ATXN2: variants seen among roughly 807,000 people sequenced by gnomAD.
The protein encoded by ATXN2 is ataxin-2.
Under a neutral mutation model 138.6 loss-of-function variants are expected in ATXN2, and 37 were observed. That is an observed-to-expected ratio of 0.27 (90% confidence interval 0.21 to 0.35). The LOEUF is 0.35. Among genes scored for constraint, ATXN2 ranks in the 10% least tolerant of loss-of-function variants. The probability of loss-of-function intolerance (pLI) is 1.00; values close to 1 mark genes in which losing one functional copy is unlikely to be tolerated. For missense variants in ATXN2, 1,216 were observed against 1,480.3 expected, an observed-to-expected ratio of 0.82 and a Z score of 2.93; for synonymous variants, 549 against 543.7, an observed-to-expected ratio of 1.01 and a Z score of -0.13.
At position 111,552,122 on chromosome 12, in the gene ATXN2, C is replaced by G. The variant is rs1882154847; in HGVS notation, c.571+158G>C. Among the ~76,000 whole-genome samples the G allele has an allele frequency of 1.3e-5, 2 of 152,000 alleles. No individual in the cohort carries two copies. The highest frequency in any genetic ancestry group is 4.1e-4 in the South Asian group (2 of 4,826). On this transcript the variant is annotated intron_variant, in intron 5 of 24. Coordinates refer to ENST00000673436, the MANE Select transcript of ATXN2 (RefSeq NM_001372574.1). The surrounding 1 kb of genome is among the most constrained non-coding windows in gnomAD (Gnocchi z 4.1). Reference sequence around the variant, plus strand: ...TCTCGAACTCCTGACCTCAGGTGATCCACCCGCCTCAGCCTCCCTAAGTGC... The same window carrying G: ...TCTCGAACTCCTGACCTCAGGTGATGCACCCGCCTCAGCCTCCCTAAGTGC...
rs367549019 is a variant in ATXN2, at chr12:111,516,215, G to A, written c.1314C>T (p.His438=). Reference sequence around the variant, plus strand: ...GAGCTGGAGAACCATGAGCAGAGGGGTGAGACGGGGGTCTGGATGGCCGCG... The same window carrying A: ...GAGCTGGAGAACCATGAGCAGAGGGATGAGACGGGGGTCTGGATGGCCGCG... ...PPSRPSRPPS[H]PSAHGSPAPV... The change falls in exon 10 of 25, where the codon CAC becomes CAT. Residue 438 remains histidine, a synonymous_variant. Transcript: ENST00000673436. This position sits in a 1 kb window ranked among gnomAD's most constrained non-coding sequence, Gnocchi z 5.0. The A allele has an allele frequency of 1.3e-6, 2 of 1,578,880 alleles. No homozygotes were observed. The highest frequency in any genetic ancestry group is 2.7e-5 in the African/African-American group (2 of 72,852).
At chr12:111,513,679 A>G (rs961539683) in intron 10 of ATXN2, 140 bp from the exon 11 acceptor site, 1 of 674,618 alleles carries the variant, frequency 1.5e-6, no homozygotes, top group Non-Finnish European at 2.1e-6. Context: ...ATAGAAAAAA[A>G]AAAAACACCA....
At chr12:111,525,391 A>G (rs1039189080) in intron 5 of ATXN2, 75 bp from the exon 6 acceptor site, 1 of 1,365,532 alleles carries the variant, frequency 7.3e-7, no homozygotes, top group African/African-American at 1.5e-5. Context: ...AATTACCAAC[A>G]AAGACATATG....
intron 5 of ATXN2, among the ~76,000 whole-genome samples, chr12:111,528,659 C>T (rs1425336530): frequency 6.6e-6 from 1 of 152,126 alleles, no homozygotes. Context: ...AAGTGTGATT[C>T]TATAAAGAAT....
intron 8 of ATXN2, among the ~76,000 whole-genome samples, chr12:111,519,676 C>T (rs1448922356): frequency 6.6e-6 from 1 of 152,186 alleles, no homozygotes; most frequent in African/African-American, 2.4e-5. Flanking sequence ...GATATACCAA[C>T]ACTTGGCTCC....
At chr12:111,563,789 T>C (rs1325811605) in intron 1 of ATXN2, among the ~76,000 whole-genome samples, 1 of 152,214 alleles carries the variant, frequency 6.6e-6, no homozygotes, top group Non-Finnish European at 1.5e-5. Flanking sequence ...GTCCAAGGCA[T>C]TTTTTAAATA....
intron 5 of ATXN2, among the ~76,000 whole-genome samples, chr12:111,530,429 T>C (rs1027023361): frequency 1.3e-5 from 2 of 152,222 alleles, no homozygotes; most frequent in African/African-American, 4.8e-5. Context: ...TGACAGCCTA[T>C]CAGCAACAGC....
intron 18 of ATXN2, chr12:111,479,178 A>G: frequency 2.6e-6 from 1 of 378,254 alleles, no homozygotes. Context: ...AAAAGCTGGC[A>G]ATAACTCAAA....
chr12:111,577,565 C>T (rs993742012), intron 1 of ATXN2, among the ~76,000 whole-genome samples: 2 of 151,962 alleles, frequency 1.3e-5, no homozygotes, highest in African/African-American at 4.8e-5. Context: ...GGGCCCGGCC[C>T]GCATGTTTCA....
chr12:111,462,305 A>G (rs1471733587), intron 21 of ATXN2, among the ~76,000 whole-genome samples: 1 of 152,226 alleles, frequency 6.6e-6, no homozygotes, highest in Admixed American at 6.5e-5. Flanking sequence ...CCTTAATAAC[A>G]CTAACCACAT....
At chr12:111,534,619 G>A (rs966447245) in intron 5 of ATXN2, among the ~76,000 whole-genome samples, 5 of 150,750 alleles carry the variant, frequency 3.3e-5, no homozygotes, top group Non-Finnish European at 5.9e-5. Context: ...ATACTGCTTC[G>A]TGAAGATGAG....
intron 14 of ATXN2, among the ~76,000 whole-genome samples, chr12:111,495,732 C>G (rs1878379129): frequency 6.6e-6 from 1 of 152,092 alleles, no homozygotes; most frequent in South Asian, 2.1e-4. Flanking sequence ...CTCTATAGAC[C>G]AAATAGGCCC....
intron 14 of ATXN2, among the ~76,000 whole-genome samples, chr12:111,501,726 A>C (rs1349785882): frequency 1.3e-5 from 2 of 152,202 alleles, no homozygotes; most frequent in Non-Finnish European, 2.9e-5. Context: ...TTGTTCACAA[A>C]AATCTTTAGT....
At position 111,504,174 on chromosome 12, in the gene ATXN2, A is replaced by C. The variant is rs541908658; in HGVS notation, c.1935+5375T>G. Among the ~76,000 whole-genome samples the C allele has an allele frequency of 5.3e-5, 8 of 152,378 alleles. No individual in the cohort carries two copies. In the South Asian group the frequency reaches 1.4e-3, roughly 28 times the overall value. ...GTAACTCTAATCAAGACAGTATGGT[A>C]CTGCCATAAGGATAAGACATAGAGA... On this transcript the variant is annotated intron_variant, in intron 14 of 24. Coordinates refer to ENST00000673436, the MANE Select transcript of ATXN2 (RefSeq NM_001372574.1).
rs564964306 is a variant in ATXN2 at position 111,518,517 on chromosome 12, G to A, written c.987-90C>T. 22 of 1,340,548 alleles carry A rather than the reference G, an allele frequency of 1.6e-5. No homozygotes were observed. In the African/African-American group the frequency reaches 3.1e-4, roughly 19 times the overall value. 83.0% of individuals were successfully genotyped at this position (1,340,548 alleles called of 1,614,324 possible). ...AAAAGTCATCTAGACAGAAGGGAAT[G>A]CTTGTTACAAAAAGGTTCTACACTA... On this transcript the variant is annotated intron_variant, in intron 8 of 24. Coordinates refer to ENST00000673436, the MANE Select transcript of ATXN2 (RefSeq NM_001372574.1).
chr12:111,572,054 G>A (rs969865350), intron 1 of ATXN2, among the ~76,000 whole-genome samples: 3 of 147,504 alleles, frequency 2.0e-5, no homozygotes, highest in South Asian at 2.2e-4. Flanking sequence ...TAAAGAAAAC[G>A]TGCAAACATA....
intron 5 of ATXN2, among the ~76,000 whole-genome samples, chr12:111,548,257 A>C (rs1881939534): frequency 6.6e-6 from 1 of 152,152 alleles, no homozygotes; most frequent in Admixed American, 6.6e-5. Flanking sequence ...CAAACCACAT[A>C]ATTTATGTCA....
At chr12:111,542,379 C>T (rs1001386595) in intron 5 of ATXN2, among the ~76,000 whole-genome samples, 12 of 151,918 alleles carry the variant, frequency 7.9e-5, no homozygotes. Context: ...TACAGGTGCC[C>T]GTCACCTCGC....
chr12:111,568,758 T>C (rs1007655334), intron 1 of ATXN2, among the ~76,000 whole-genome samples: 1 of 152,236 alleles, frequency 6.6e-6, no homozygotes, highest in Non-Finnish European at 1.5e-5. Context: ...ATTTAGTACA[T>C]CAGTTAGACA....
Sources: allele counts gnomAD v4.1 joint callset (sites outside exome capture counted in the v4.1 genomes callset), GRCh38; gene constraint gnomAD v4.1.1; non-coding constraint Gnocchi (gnomAD v3.1); transcripts MANE v1.5; gene names NCBI Gene and HGNC (gene_info 2026-07-23, HGNC 2026-07-21).